Variants in WDR27 observed in about 807,000 individuals in gnomAD.
WDR27 encodes WD repeat-containing protein 27.
WDR27 carries 100 observed loss-of-function variants against 114.4 expected under a neutral mutation model. The ratio of observed to expected loss-of-function variants is 0.87; its 90% CI spans 0.74 to 1.03. The LOEUF (loss-of-function observed/expected upper bound fraction) is 1.03, where lower values mean the gene tolerates loss of function less well. Ranked by LOEUF, WDR27 falls within the 50% of genes least tolerant of loss-of-function variation. The pLI, the probability that WDR27 is intolerant of heterozygous loss-of-function variation, is 0.00. For missense variants in WDR27, 1,129 were observed against 1,092.9 expected (o/e 1.03, Z -0.47); for synonymous variants, 449 against 423.1 (o/e 1.06, Z -0.75).
rs367995561 is a variant in WDR27, at chr6:169,558,794, G to A, written c.2645+13625C>T. 1.3e-4 allele frequency: 20 copies of A among 152,136 alleles called. No individual in the cohort carries two copies. The East Asian group carries it at 2.5e-3, about 19-fold the overall frequency. The allele number at this position is 152,136 out of a possible 1,614,324, so 9.4% of individuals were successfully genotyped here. A position where few individuals can be genotyped will look rare whatever the true frequency, so the allele number is the denominator to read the frequency against. ...CCATGATTTTCCAATTCAATTATTC[G>A]TCACTCCACGAAGATAAATGCAGAA... On this transcript the variant is annotated intron_variant, in intron 25 of 25. Coordinates refer to ENST00000448612, the MANE Select transcript of WDR27 (RefSeq NM_182552.5).
intron 25 of WDR27, among the ~76,000 whole-genome samples, chr6:169,465,936 G>C: frequency 6.6e-6 from 1 of 152,062 alleles, no homozygotes; most frequent in East Asian, 1.9e-4. Flanking sequence ...TTGTGGAGAG[G>C]GATAGTGGTG....
intron 1 of WDR27, among the ~76,000 whole-genome samples, chr6:169,698,940 G>A (rs1476969932): frequency 6.6e-6 from 1 of 152,218 alleles, no homozygotes; most frequent in Non-Finnish European, 1.5e-5. Context: ...TGGGTACCTT[G>A]AAGCAGGATG....
At chr6:169,617,509 A>C (rs1378830286) in intron 21 of WDR27, among the ~76,000 whole-genome samples, 1 of 152,100 alleles carries the variant, frequency 6.6e-6, no homozygotes, top group Non-Finnish European at 1.5e-5. Context: ...CCAAGTGGTT[A>C]GGATTACAAG....
Position 169,659,623 on chromosome 6 carries a change from A to G in WDR27, c.1130-105T>C. 9.2e-7 allele frequency: 1 copy of G among 1,086,104 alleles called. No individual in the cohort carries two copies. The highest frequency in any genetic ancestry group is 1.4e-6 in the Non-Finnish European group (1 of 735,488). The allele number at this position is 1,086,104 out of a possible 1,614,324, so 67.3% of individuals were successfully genotyped here. A position where few individuals can be genotyped will look rare whatever the true frequency, so the allele number is the denominator to read the frequency against. On this transcript the variant is annotated intron_variant, in intron 10 of 25. Coordinates refer to ENST00000448612, the MANE Select transcript of WDR27 (RefSeq NM_182552.5). This position sits in a 1 kb window ranked among gnomAD's most constrained non-coding sequence, Gnocchi z 4.3. ...CCACACACAGCCCAGAGCCCACCAC[A>G]CACAGTCCAGGCCCCACCACACACT...
chr6:169,649,780 GC>G (rs762016726), intron 14 of WDR27, among the ~76,000 whole-genome samples: 10 of 93,872 alleles, frequency 1.1e-4, no homozygotes, highest in Non-Finnish European at 2.0e-4. Flanking sequence ...ATCCATCCAC[GC>G]ACACATCCAT....
chr6:169,584,587 A>G (rs1341623143), intron 23 of WDR27, among the ~76,000 whole-genome samples: 5 of 152,134 alleles, frequency 3.3e-5, no homozygotes, highest in African/African-American at 9.7e-5. Context: ...TGTCTTTTTG[A>G]TAACAGCCAT....
intron 22 of WDR27, among the ~76,000 whole-genome samples, chr6:169,612,243 C>A (rs1810718238): frequency 6.8e-6 from 1 of 146,812 alleles, no homozygotes; most frequent in African/African-American, 2.5e-5. Flanking sequence ...CACGGTGAGA[C>A]CCCATCTCTA....
At chr6:169,586,847 CAAAAAAAAAAAAAAA>C (rs3029697) in intron 23 of WDR27, among the ~76,000 whole-genome samples, 1 of 32,058 alleles carries the variant, frequency 3.1e-5, no homozygotes, top group South Asian at 2.1e-3. Flanking sequence ...GACTCTGTCT[CAAAAAAAAAAAAAAA>C]AAAAAAAAAA....
At chr6:169,686,808 A>G (rs1190357815) in intron 2 of WDR27, among the ~76,000 whole-genome samples, 4 of 152,222 alleles carry the variant, frequency 2.6e-5, no homozygotes, top group African/African-American at 9.6e-5. Context: ...CTATTCTGCC[A>G]TAAAAAAGAC....
At chr6:169,579,416 G>A (rs1304635932) in intron 24 of WDR27, among the ~76,000 whole-genome samples, 1 of 152,166 alleles carries the variant, frequency 6.6e-6, no homozygotes, top group Non-Finnish European at 1.5e-5. Context: ...TCAGAAATGA[G>A]AAATTAGGGG....
chr6:169,455,523 A>G (rs138197616), downstream of WDR27, among the ~76,000 whole-genome samples: 1 of 152,394 alleles, frequency 6.6e-6, no homozygotes, highest in Non-Finnish European at 1.5e-5. Context: ...TAAACATGAT[A>G]CATCCCACCA....
chr6:169,493,312 G>C (rs1289391882), intron 25 of WDR27, among the ~76,000 whole-genome samples: 1 of 151,914 alleles, frequency 6.6e-6, no homozygotes, highest in Non-Finnish European at 1.5e-5. Context: ...TAAAATCTCT[G>C]GGAAGATAAA....
rs762487182 is a variant in WDR27, at chr6:169,638,643, T to G, written c.1765A>C (p.Asn589His). The change falls in exon 18 of 26, where the codon AAT (asparagine) becomes CAT (histidine). Residue 589 changes from asparagine to histidine, a missense_variant. By Grantham distance (68) the Asn-to-His change is moderately conservative (BLOSUM62 1). Transcript: ENST00000448612. ...AVFSGHDGAV[N>H]AVCWSQDRRW... is the part of the protein sequence containing the mutation. ...CGGTCCTGGCTCCAGCACACGGCAT[T>G]CACTGCCCCGTCGTGACCTAACAGG... 4.4e-6 allele frequency: 7 copies of G among 1,605,150 alleles called. No individual in the cohort carries two copies. Among genetic ancestry groups the G allele is most frequent in the Middle Eastern group, 3.3e-4 (2 of 6,056 alleles).
At chr6:169,601,997 T>C (rs1314723104) in intron 23 of WDR27, among the ~76,000 whole-genome samples, 4 of 152,354 alleles carry the variant, frequency 2.6e-5, no homozygotes, top group East Asian at 1.9e-4. Flanking sequence ...TGTGAAATGA[T>C]TAATAATTAA....
chr6:169,662,748 G>A (rs1318836402), intron 8 of WDR27, among the ~76,000 whole-genome samples: 2 of 114,714 alleles, frequency 1.7e-5, no homozygotes, highest in African/African-American at 3.6e-5. Context: ...CAGATCACGT[G>A]TCAAGGAAAG....
chr6:169,688,954 T>G lies in WDR27; in HGVS notation c.52A>C (p.Ile18Leu), dbSNP rs1271202862. The G allele has an allele frequency of 2.5e-6, 4 of 1,613,700 alleles. No homozygotes were observed. Among genetic ancestry groups the G allele is most frequent in the Non-Finnish European group, 3.4e-6 (4 of 1,179,832 alleles). ...FSSNGGCLSD[I>L]VIEKYLVESK... ...TCAACCAGGTATTTTTCTATAACTA[T>G]ATCACTTAGACAGCCACCATTACTT... The change falls in exon 2 of 26, where the codon ATA becomes CTA. Residue 18 changes from isoleucine (I) to leucine (L), a missense_variant. Ile to Leu is a conservative substitution (Grantham distance 5). Transcript: ENST00000448612.
At chr6:169,496,865 C>A (rs1790473235) in intron 25 of WDR27, among the ~76,000 whole-genome samples, 1 of 151,940 alleles carries the variant, frequency 6.6e-6, no homozygotes, top group East Asian at 1.9e-4. Flanking sequence ...TCTATATTAC[C>A]CAAAGTGCTC....
At chr6:169,664,712 C>G (rs1433831033) in intron 7 of WDR27, 6 of 1,001,102 alleles carry the variant, frequency 6.0e-6, no homozygotes, top group Non-Finnish European at 7.1e-6. Flanking sequence ...TTATCTTTTT[C>G]AAATTATAAA....
chr6:169,442,039 T>C, the WDR27 span, among the ~76,000 whole-genome samples: 1 of 152,264 alleles, frequency 6.6e-6, no homozygotes, highest in Non-Finnish European at 1.5e-5. Context: ...TCCCCTGACT[T>C]GTGATGGCCA....
Sources: gnomAD v4.1 joint callset for allele counts (sites outside exome capture counted in the v4.1 genomes callset) on GRCh38, gnomAD v4.1.1 for gene constraint, Gnocchi (gnomAD v3.1) non-coding constraint, MANE v1.5 for transcripts, NCBI Gene and HGNC (gene_info 2026-07-23, HGNC 2026-07-21) for gene names.